Variants in AK6 observed in about 807,000 individuals in gnomAD.
AK6 encodes adenylate kinase isoenzyme 6.
Under a neutral mutation model 23.7 loss-of-function variants are expected in AK6, and 24 were observed. The observed-to-expected ratio is 1.01, with a 90% CI of 0.73 to 1.43. The LOEUF is 1.43. Ranked by LOEUF, AK6 falls within the 40% of genes most tolerant of loss-of-function variation. The probability of loss-of-function intolerance (pLI) is 0.00; values close to 1 mark genes in which losing one functional copy is unlikely to be tolerated. For missense variants in AK6, 191 were observed against 199.1 expected (o/e 0.96, Z 0.24); for synonymous variants, 73 against 69.8 (o/e 1.05, Z -0.23).
intron 2 of AK6, chr5:69,365,486 G>A (rs780162230): frequency 1.2e-6 from 2 of 1,614,102 alleles, no homozygotes; most frequent in East Asian, 2.2e-5. Flanking sequence ...GGGGAGGAGA[G>A]GTAAAAGACT....
chr5:69,356,630 G>A (rs747079125), intron 2 of AK6, among the ~76,000 whole-genome samples: 1 of 152,084 alleles, frequency 6.6e-6, no homozygotes, highest in African/African-American at 2.4e-5. Context: ...CAGGCTGGGC[G>A]ACAGAGCAGG....
In AK6 at chr5:69,352,035, G is replaced by A. The variant is rs1463406329; in HGVS notation, c.*26C>T. 6.4e-7 allele frequency: 1 copy of A among 1,565,938 alleles called. No individual in the cohort carries two copies. The highest frequency in any genetic ancestry group is 1.4e-5 in the African/African-American group (1 of 73,544). On this transcript the variant is annotated 3_prime_UTR_variant, in exon 5 of 5. Transcript: ENST00000380822. ...TGTCGGCAGAGATATCAACAAGAGT[G>A]ATTATTAAGTAGCTAGCCTTATAAG...
intron 1 of AK6, among the ~76,000 whole-genome samples, chr5:69,367,163 G>T (rs1320190935): frequency 6.6e-6 from 1 of 152,114 alleles, no homozygotes; most frequent in African/African-American, 2.4e-5. Context: ...GGGCTCAGCA[G>T]ATTCTGACGC....
At position 69,369,444 on chromosome 5, in the gene AK6, C is replaced by T. The variant is rs1330311692; in HGVS notation, c.28+19G>A. 6.2e-7 allele frequency: 1 copy of T among 1,609,692 alleles called. No homozygotes were observed. Among genetic ancestry groups the T allele is most frequent in the Non-Finnish European group, 8.5e-7 (1 of 1,178,864 alleles). On this transcript the variant is annotated intron_variant, in intron 1 of 4. Coordinates refer to ENST00000380822, the MANE Select transcript of AK6 (RefSeq NM_016283.5). ...CCCAGCCTGCCCCAGCCCAGTCCCTCCCGGCCGCGCGCCCTGACCGGTGAG... is the reference window on the plus strand; with the variant it reads ...CCCAGCCTGCCCCAGCCCAGTCCCTTCCGGCCGCGCGCCCTGACCGGTGAG...
intron 4 of AK6, 46 bp downstream of exon 4, chr5:69,355,603 A>C: frequency 1.3e-6 from 2 of 1,526,388 alleles, no homozygotes; most frequent in Non-Finnish European, 1.8e-6. Context: ...AATCTGAATA[A>C]AAGTTAACAT....
In AK6 at chr5:69,351,990, C is replaced by A; in HGVS notation, c.*71G>T. Reference sequence around the variant, plus strand: ...CATGATTTTAATAAAGTGTTACTGACACTTGAACAATTTCTATGATGTCGG... The same window carrying A: ...CATGATTTTAATAAAGTGTTACTGAAACTTGAACAATTTCTATGATGTCGG... On this transcript the variant is annotated 3_prime_UTR_variant, in exon 5 of 5. Coordinates refer to ENST00000380822, the MANE Select transcript of AK6 (RefSeq NM_016283.5). 1 of 1,350,844 alleles carries A rather than the reference C, an allele frequency of 7.4e-7. No homozygotes were observed. The highest frequency in any genetic ancestry group is 1.0e-6 in the Non-Finnish European group (1 of 987,554). The allele number at this position is 1,350,844 out of a possible 1,614,324, so 83.7% of individuals were successfully genotyped here.
At chr5:69,364,834 A>T (rs935404538) in intron 2 of AK6, 17 of 957,864 alleles carry the variant, frequency 1.8e-5, no homozygotes, top group Non-Finnish European at 2.5e-5. Context: ...GTGTTTACTC[A>T]TTATTATTAG....
At chr5:69,366,633 T>C (rs1762438476) in intron 1 of AK6, 38 bp from the exon 2 acceptor site, 4 of 1,436,870 alleles carry the variant, frequency 2.8e-6, no homozygotes, top group Non-Finnish European at 3.9e-6. Flanking sequence ...GTTTGTGAAA[T>C]ACTACTTATC....
chr5:69,369,596 C>A, upstream of AK6: 1 of 1,591,276 alleles, frequency 6.3e-7, no homozygotes, highest in South Asian at 1.1e-5. Context: ...CCCAAAGGCC[C>A]CGAAGCCCAC....
At position 69,366,410 on chromosome 5, in the gene AK6, T is replaced by C. The variant is rs144149166; in HGVS notation, c.121+93A>G. ...ATATTCTTTAATGGCAATCTCTGTT[T>C]TTTGTACCCTATGACAATACCCAGC... On this transcript the variant is annotated intron_variant, in intron 2 of 4. Transcript: ENST00000380822. The C allele has an allele frequency of 5.1e-5, 49 of 960,582 alleles. No individual in the cohort carries two copies. The East Asian group carries it at 8.6e-4, about 17-fold the overall frequency. 59.5% of individuals were successfully genotyped at this position (960,582 alleles called of 1,614,324 possible).
At position 69,365,104 on chromosome 5, in the gene AK6, C is replaced by T. The variant is rs1284552254; in HGVS notation, c.121+1399G>A. 3.7e-6 allele frequency: 6 copies of T among 1,614,104 alleles called. No homozygotes were observed. The African/African-American group carries it at 4.0e-5, about 11-fold the overall frequency. ...CCGATTAATGATGGATTAATCAGAA[C>T]ATTCTGAACTGCTGAGGTTGCAGGA... is the stretch of plus-strand genomic sequence containing the variant. On this transcript the variant is annotated intron_variant, in intron 2 of 4. Transcript: ENST00000380822.
chr5:69,369,323 G>A (rs1762735191), intron 1 of AK6, 140 bp downstream of exon 1: 1 of 799,248 alleles, frequency 1.3e-6, no homozygotes. Flanking sequence ...TCGGCTCCCG[G>A]GGCGCTGACA....
At chr5:69,366,414 G>T in intron 2 of AK6, 89 bp downstream of exon 2, 8 of 971,816 alleles carry the variant, frequency 8.2e-6, no homozygotes, top group South Asian at 2.9e-5. Flanking sequence ...TCTGTTTTTT[G>T]TACCCTATGA....
rs771434861 is a variant in AK6 at position 69,366,502 on chromosome 5, C to A, written c.121+1G>T. On this transcript the variant is annotated splice_donor_variant, in intron 2 of 4. Transcript: ENST00000380822. LOFTEE classifies it high-confidence loss of function. Reference sequence around the variant, plus strand: ...AAATCTAACACCAAAGTGTCCCTTACCTTCTCGAGCTAAATCACCCACATT... The same window carrying A: ...AAATCTAACACCAAAGTGTCCCTTAACTTCTCGAGCTAAATCACCCACATT... The A allele has an allele frequency of 1.2e-6, 2 of 1,612,130 alleles. No individual in the cohort carries two copies. The highest frequency in any genetic ancestry group is 1.3e-5 in the African/African-American group (1 of 74,994).
intron 2 of AK6, among the ~76,000 whole-genome samples, chr5:69,359,601 T>C (rs1482163994): frequency 6.6e-6 from 1 of 152,162 alleles, no homozygotes; most frequent in African/African-American, 2.4e-5. Context: ...GCTGCTGCTG[T>C]TTGTCAAACT....
At chr5:69,361,099 A>C (rs759985955) in intron 2 of AK6, among the ~76,000 whole-genome samples, 11 of 152,310 alleles carry the variant, frequency 7.2e-5, no homozygotes, top group Non-Finnish European at 8.8e-5. Context: ...AGTGAGGAGG[A>C]GTCTTGAGAC....
intron 2 of AK6, chr5:69,364,740 C>G (rs1412270990): frequency 1.5e-6 from 1 of 657,484 alleles, no homozygotes; most frequent in Non-Finnish European, 2.6e-6. Flanking sequence ...AAAGCACCAA[C>G]AATCGAATGA....
chr5:69,365,501 A>G, intron 2 of AK6: 1 of 1,613,896 alleles, frequency 6.2e-7, no homozygotes, highest in South Asian at 1.1e-5. Flanking sequence ...AAGACTGATC[A>G]GCGCGGCACT....
At chr5:69,356,562 G>T (rs758638077) in intron 2 of AK6, among the ~76,000 whole-genome samples, 1 of 152,048 alleles carries the variant, frequency 6.6e-6, no homozygotes, top group African/African-American at 2.4e-5. Context: ...GAGGCAGAAG[G>T]ATTGCTTGAG....
Sources: allele counts gnomAD v4.1 joint callset (sites outside exome capture counted in the v4.1 genomes callset), GRCh38; gene constraint gnomAD v4.1.1; transcripts MANE v1.5; gene names NCBI Gene and HGNC (gene_info 2026-07-23, HGNC 2026-07-21).